The following BORCS5 variants were observed in gnomAD, a reference collection of about 807,000 sequenced individuals.
BORCS5 encodes the protein BLOC-1-related complex subunit 5.
BORCS5 carries 17 observed loss-of-function variants against 22.1 expected under a neutral mutation model. That is an observed-to-expected ratio of 0.77 (90% CI 0.53 to 1.15). BORCS5 has a LOEUF of 1.15. Among genes scored for constraint, BORCS5 ranks in the 50% most tolerant of loss-of-function variants. The pLI is 0.00. For synonymous variants in BORCS5, 117 were observed against 99.8 expected, an observed-to-expected ratio of 1.17 and a Z score of -1.03; for missense variants, 247 against 253.2, an observed-to-expected ratio of 0.98 and a Z score of 0.17.
At chr12:12,436,288 A>G (rs1479756114) in intron 3 of BORCS5, among the ~76,000 whole-genome samples, 1 of 152,242 alleles carries the variant, frequency 6.6e-6, no homozygotes, top group Non-Finnish European at 1.5e-5. Flanking sequence ...AATTACGCCT[A>G]TTTAACCCGC....
intron 2 of BORCS5, among the ~76,000 whole-genome samples, chr12:12,419,152 G>A (rs182727085): frequency 3.1e-4 from 47 of 152,114 alleles, no homozygotes; most frequent in Admixed American, 1.2e-3. Context: ...CCACCAACTC[G>A]TCATTTACAT....
intron 3 of BORCS5, among the ~76,000 whole-genome samples, chr12:12,438,889 A>G (rs1781211184): frequency 6.6e-6 from 1 of 152,200 alleles, no homozygotes; most frequent in African/African-American, 2.4e-5. Context: ...TTAGACTTGG[A>G]GGAAAGTCAC....
At chr12:12,385,571 A>G (rs1863862019) in intron 2 of BORCS5, among the ~76,000 whole-genome samples, 1 of 149,856 alleles carries the variant, frequency 6.7e-6, no homozygotes, top group African/African-American at 2.5e-5. Flanking sequence ...GTGCGGTGGC[A>G]CAATCTCGGC....
chr12:12,450,868 A>C (rs551589509), intron 3 of BORCS5, among the ~76,000 whole-genome samples: 1 of 152,226 alleles, frequency 6.6e-6, no homozygotes, highest in Non-Finnish European at 1.5e-5. Flanking sequence ...TGTAAACTGC[A>C]CAGTACAGTA....
chr12:12,424,339 T>C (rs1942225018), intron 2 of BORCS5, among the ~76,000 whole-genome samples: 1 of 152,210 alleles, frequency 6.6e-6, no homozygotes, highest in Non-Finnish European at 1.5e-5. Flanking sequence ...CTGCATTGAA[T>C]TTTTCGTATC....
intron 2 of BORCS5, among the ~76,000 whole-genome samples, chr12:12,394,906 C>G (rs369961368): frequency 1.3e-5 from 2 of 152,016 alleles, no homozygotes; most frequent in African/African-American, 4.8e-5. Flanking sequence ...ATAGATAATG[C>G]TGAGCTACAG....
intron 2 of BORCS5, among the ~76,000 whole-genome samples, chr12:12,398,849 T>A (rs1456538305): frequency 2.0e-5 from 3 of 152,192 alleles, no homozygotes; most frequent in African/African-American, 7.2e-5. Context: ...AGCCAACTAT[T>A]TATTGAAATT....
chr12:12,459,529 C>T (rs1004870656), intron 3 of BORCS5, among the ~76,000 whole-genome samples: 20 of 152,254 alleles, frequency 1.3e-4, no homozygotes, highest in African/African-American at 2.4e-4. Context: ...AGGCTCGTCT[C>T]GAACTGCTGA....
chr12:12,396,288 G>T (rs1941342097), intron 2 of BORCS5, among the ~76,000 whole-genome samples: 1 of 152,244 alleles, frequency 6.6e-6, no homozygotes, highest in African/African-American at 2.4e-5. Flanking sequence ...TGCCCAGTGG[G>T]AGATTAATTT....
rs368305277 is a variant in BORCS5 at position 12,361,222 on chromosome 12, C to T, written c.75C>T (p.Ala25=). ...DLNSSVTPSP[A]KHRAKMDDIV... ...TATTTTCAGTGACTCCTTCACCAGCCAAGCATAGAGCCAAGATGGATGATA... is the reference window on the plus strand; with the variant it reads ...TATTTTCAGTGACTCCTTCACCAGCTAAGCATAGAGCCAAGATGGATGATA... The change falls in exon 2 of 4, where the codon GCC becomes GCT. Residue 25 remains alanine, a synonymous_variant. Transcript: ENST00000314565. 4.7e-5 allele frequency: 76 copies of T among 1,613,954 alleles called. No individual in the cohort carries two copies. Among genetic ancestry groups the T allele is most frequent in the Non-Finnish European group, 5.8e-5 (68 of 1,179,970 alleles).
At chr12:12,442,834 C>A (rs1039229310) in intron 3 of BORCS5, among the ~76,000 whole-genome samples, 1 of 152,104 alleles carries the variant, frequency 6.6e-6, no homozygotes, top group Non-Finnish European at 1.5e-5. Context: ...AAGGAATGCA[C>A]GAGAGTTGCC....
rs970997606 is a variant in BORCS5 at position 12,357,244 on chromosome 12, T to C, written c.-208T>C. 7.5e-6 allele frequency: 11 copies of C among 1,471,130 alleles called. No homozygotes were observed. The African/African-American group carries it at 1.5e-4, about 21-fold the overall frequency. The allele number at this position is 1,471,130 out of a possible 1,614,324, so 91.1% of individuals were successfully genotyped here. On this transcript the variant is annotated 5_prime_UTR_variant, in exon 1 of 4. Transcript: ENST00000314565. ...TGCGTTCGCGCCGCGCCTCCTTGCG[T>C]TTCTGTTCCCCAAATAGGGCCTCTC...
intron 1 of BORCS5, 23 bp downstream of exon 1, chr12:12,357,532 C>T (rs1442750166): frequency 1.9e-6 from 3 of 1,599,172 alleles, no homozygotes; most frequent in Admixed American, 1.7e-5. Context: ...ACCTCCCACC[C>T]TCCTCCAGCC....
chr12:12,441,647 A>G (rs1233427291), intron 3 of BORCS5, among the ~76,000 whole-genome samples: 1 of 152,120 alleles, frequency 6.6e-6, no homozygotes. Context: ...AGCTGTCTAA[A>G]TATTGCCCCA....
At chr12:12,368,086 A>G (rs1314758328) in intron 2 of BORCS5, among the ~76,000 whole-genome samples, 1 of 152,186 alleles carries the variant, frequency 6.6e-6, no homozygotes, top group Non-Finnish European at 1.5e-5. Flanking sequence ...TCCCCTGGAC[A>G]GGCTCTCATA....
rs73283426 is a variant in BORCS5, at chr12:12,396,785, T to A, written c.202+35436T>A. 4.7e-3 allele frequency among the ~76,000 whole-genome samples: 722 copies of A among 152,330 alleles called. 5 individuals are homozygous for A. The highest frequency in any genetic ancestry group is 0.016 in the African/African-American group (678 of 41,570). On this transcript the variant is annotated intron_variant, in intron 2 of 3. Coordinates refer to ENST00000314565, the MANE Select transcript of BORCS5 (RefSeq NM_058169.6). ...AATTGCTACCCTCATTTAGAAACCA[T>A]TAACCTTTATGTTAATAAAATAATG... is the stretch of plus-strand genomic sequence containing the variant.
At chr12:12,417,954 A>G in intron 2 of BORCS5, among the ~76,000 whole-genome samples, 1 of 135,750 alleles carries the variant, frequency 7.4e-6, no homozygotes, top group East Asian at 2.0e-4. Context: ...AATATTTATA[A>G]TTCTTTTTTT....
At chr12:12,412,623 C>CT (rs2136087894) in intron 2 of BORCS5, among the ~76,000 whole-genome samples, 1 of 152,174 alleles carries the variant, frequency 6.6e-6, no homozygotes, top group South Asian at 2.1e-4. Context: ...CTTCTCTTGT[C>CT]TTATTGCTCT....
At chr12:12,463,321 T>C (rs1334671774) in intron 3 of BORCS5, among the ~76,000 whole-genome samples, 3 of 152,234 alleles carry the variant, frequency 2.0e-5, no homozygotes, top group Non-Finnish European at 4.4e-5. Flanking sequence ...CCATTGTTGC[T>C]TGCACCAAGT....
Sources: allele counts gnomAD v4.1 joint callset (sites outside exome capture counted in the v4.1 genomes callset), GRCh38; gene constraint gnomAD v4.1.1; transcripts MANE v1.5; gene names NCBI Gene and HGNC (gene_info 2026-07-23, HGNC 2026-07-21).